The following LRRC4C variants were observed in gnomAD, a reference collection of about 807,000 sequenced individuals.
LRRC4C encodes the protein leucine rich repeat containing 4C.
LRRC4C carries 5 observed loss-of-function variants against 33.6 expected under a neutral mutation model. The ratio of observed to expected loss-of-function variants is 0.15; its 90% confidence interval spans 0.08 to 0.31. The LOEUF is 0.31. Ranked by LOEUF, LRRC4C falls within the 10% of genes least tolerant of loss-of-function variation. The pLI is 1.00. For missense variants in LRRC4C, 560 were observed against 796.7 expected (o/e 0.70, Z 3.58); for synonymous variants, 329 against 302.0 (o/e 1.09, Z -0.93).
At chr11:41,330,898 A>C (rs1185942805) in intron 1 of LRRC4C, among the ~76,000 whole-genome samples, 1 of 152,086 alleles carries the variant, frequency 6.6e-6, no homozygotes. Context: ...AAAGACAATA[A>C]ATTTATATGT....
At chr11:40,816,137 T>G (rs1054786668) in intron 2 of LRRC4C, among the ~76,000 whole-genome samples, 29 of 152,298 alleles carry the variant, frequency 1.9e-4, no homozygotes, top group African/African-American at 6.5e-4. Context: ...AAGTTGAGGT[T>G]TGCTGACAGT....
At chr11:40,434,035 TTTC>T (rs1951042456) in intron 3 of LRRC4C, among the ~76,000 whole-genome samples, 1 of 152,210 alleles carries the variant, frequency 6.6e-6, no homozygotes. Flanking sequence ...ACAACTATTT[TTTC>T]TTCTTTTCTT....
chr11:41,126,239 A>C (rs558488922), intron 1 of LRRC4C, among the ~76,000 whole-genome samples: 1 of 151,992 alleles, frequency 6.6e-6, no homozygotes, highest in Admixed American at 6.6e-5. Context: ...AAGTCTTTCC[A>C]CCCTTCTATT....
intron 3 of LRRC4C, among the ~76,000 whole-genome samples, chr11:40,495,285 C>A (rs1565445237): frequency 6.6e-6 from 1 of 152,022 alleles, no homozygotes; most frequent in South Asian, 2.1e-4. Context: ...AACGAACAAC[C>A]TCTCCGCCCC....
chr11:41,416,796 T>A (rs1037977470), intron 1 of LRRC4C, among the ~76,000 whole-genome samples: 3 of 152,042 alleles, frequency 2.0e-5, no homozygotes, highest in Non-Finnish European at 4.4e-5. Flanking sequence ...GCTATGAGAC[T>A]TTTTACATAC....
intron 1 of LRRC4C, among the ~76,000 whole-genome samples, chr11:41,407,123 C>A (rs988035718): frequency 6.6e-6 from 1 of 152,028 alleles, no homozygotes; most frequent in Non-Finnish European, 1.5e-5. Context: ...TTTGAAAGGT[C>A]TTTCAGTGTC....
intron 2 of LRRC4C, among the ~76,000 whole-genome samples, chr11:40,833,675 A>T (rs1489680520): frequency 6.6e-6 from 1 of 152,144 alleles, no homozygotes; most frequent in Non-Finnish European, 1.5e-5. Flanking sequence ...TTATTTTTCT[A>T]TCAAAAAATA....
chr11:40,139,940 G>A (rs956222709), intron 6 of LRRC4C, among the ~76,000 whole-genome samples: 2 of 152,126 alleles, frequency 1.3e-5, no homozygotes, highest in Admixed American at 6.5e-5. Flanking sequence ...TATTAATTTG[G>A]CTGCAGGAAA....
intron 2 of LRRC4C, among the ~76,000 whole-genome samples, chr11:40,894,416 T>A (rs1287691457): frequency 6.6e-6 from 1 of 152,148 alleles, no homozygotes. Context: ...GTCTACACTG[T>A]GGCCAAATCT....
intron 3 of LRRC4C, among the ~76,000 whole-genome samples, chr11:40,599,289 A>AT (rs111855963): frequency 6.8e-6 from 1 of 147,670 alleles, no homozygotes; most frequent in Non-Finnish European, 1.5e-5. Context: ...CTCTACAAAA[A>AT]TTTAAAAAAA....
At chr11:40,787,720 A>C (rs1287528799) in intron 2 of LRRC4C, among the ~76,000 whole-genome samples, 1 of 152,224 alleles carries the variant, frequency 6.6e-6, no homozygotes, top group Non-Finnish European at 1.5e-5. Context: ...ACATAATTTA[A>C]ATATATGCTT....
chr11:40,592,945 T>C lies in LRRC4C; in HGVS notation c.-270+55197A>G, dbSNP rs1235942940. 2.6e-5 allele frequency among the ~76,000 whole-genome samples: 4 copies of C among 152,238 alleles called. No homozygotes were observed. The East Asian group carries it at 5.8e-4, about 22-fold the overall frequency. On this transcript the variant is annotated intron_variant, in intron 3 of 6. Coordinates refer to ENST00000528697, the MANE Select transcript of LRRC4C (RefSeq NM_001258419.2). ...TCAGTCTTACTGAAAACACATTTCT[T>C]TTCTCAAGAGTGTCCTTGAACTAAT...
intron 3 of LRRC4C, among the ~76,000 whole-genome samples, chr11:40,396,145 T>C (rs1271755962): frequency 6.6e-6 from 1 of 152,160 alleles, no homozygotes; most frequent in Non-Finnish European, 1.5e-5. Context: ...TGAATCACAT[T>C]AAGAAAGTCT....
intron 4 of LRRC4C, among the ~76,000 whole-genome samples, chr11:40,297,147 C>G (rs1353724350): frequency 6.6e-6 from 1 of 152,074 alleles, no homozygotes; most frequent in African/African-American, 2.4e-5. Flanking sequence ...AGTAACTTTG[C>G]TTAAAAATAA....
At chr11:40,581,574 C>A (rs997971317) in intron 3 of LRRC4C, among the ~76,000 whole-genome samples, 2 of 152,086 alleles carry the variant, frequency 1.3e-5, no homozygotes, top group Non-Finnish European at 2.9e-5. Flanking sequence ...ACCTTGCTAC[C>A]TCCTGACAAA....
At chr11:40,825,727 A>T (rs1247466700) in intron 2 of LRRC4C, among the ~76,000 whole-genome samples, 1 of 151,382 alleles carries the variant, frequency 6.6e-6, no homozygotes, top group Non-Finnish European at 1.5e-5. Flanking sequence ...TTCTTTCCTG[A>T]CAGAAGACAC....
intron 3 of LRRC4C, among the ~76,000 whole-genome samples, chr11:40,434,435 C>T (rs545284129): frequency 2.3e-4 from 35 of 152,284 alleles, no homozygotes; most frequent in Middle Eastern, 3.4e-3. Flanking sequence ...AAATCCAGGG[C>T]ATCTCTTAAT....
At position 40,643,791 on chromosome 11, in the gene LRRC4C, G is replaced by C. The variant is rs551444645; in HGVS notation, c.-270+4351C>G. Among the ~76,000 whole-genome samples, 26 of 152,080 alleles carry C rather than the reference G, an allele frequency of 1.7e-4. 1 individual carries two copies. The South Asian group carries it at 4.4e-3, about 26-fold the overall frequency. On this transcript the variant is annotated intron_variant, in intron 3 of 6. Transcript: ENST00000528697. ...CCTGCCCACTCATATATAAGCAAAGGACAGGTGAAAAAACATGAGCTTCTA... is the reference window on the plus strand; with the variant it reads ...CCTGCCCACTCATATATAAGCAAAGCACAGGTGAAAAAACATGAGCTTCTA...
At chr11:40,811,625 G>A (rs1012345857) in intron 2 of LRRC4C, among the ~76,000 whole-genome samples, 2 of 152,230 alleles carry the variant, frequency 1.3e-5, no homozygotes, top group East Asian at 3.9e-4. Flanking sequence ...AGCCTTCTGA[G>A]TAGCTGGGAC....
Sources: gnomAD v4.1 joint callset for allele counts (sites outside exome capture counted in the v4.1 genomes callset) on GRCh38, gnomAD v4.1.1 for gene constraint, MANE v1.5 for transcripts, NCBI Gene and HGNC (gene_info 2026-07-23, HGNC 2026-07-21) for gene names.